The following ZNF44 variants were observed in gnomAD, a reference collection of about 807,000 sequenced individuals.
ZNF44 encodes zinc finger protein 44.
In ZNF44, 9 loss-of-function variants were observed where a neutral mutation model predicts 11.7. The observed-to-expected ratio is 0.77, with a 90% confidence interval of 0.46 to 1.35. The LOEUF is 1.35. Among genes scored for constraint, ZNF44 ranks in the 40% most tolerant of loss-of-function variants. ZNF44 has a pLI of 0.00. For missense variants in ZNF44, 696 were observed against 743.1 expected, an observed-to-expected ratio of 0.94 and a Z score of 0.74; for synonymous variants, 224 against 242.7, an observed-to-expected ratio of 0.92 and a Z score of 0.72.
downstream of ZNF44, among the ~76,000 whole-genome samples, chr19:12,271,205 C>T (rs1471285646): frequency 6.6e-6 from 1 of 152,082 alleles, no homozygotes; most frequent in East Asian, 1.9e-4. Flanking sequence ...CAGCTAACAT[C>T]CTTTGATTGA....
intron 1 of ZNF44, chr19:12,284,811 TG>T: frequency 5.9e-6 from 7 of 1,194,892 alleles, no homozygotes; most frequent in Non-Finnish European, 8.3e-6. Context: ...CAGAGGCTAC[TG>T]GGGGAACAAG....
chr19:12,235,780 T>G (rs1916365029), intron 1 of ZNF44, among the ~76,000 whole-genome samples: 1 of 152,068 alleles, frequency 6.6e-6, no homozygotes, highest in Non-Finnish European at 1.5e-5. Flanking sequence ...GAGGCTGATA[T>G]TCACTAGATC....
At chr19:12,263,886 C>T (rs996495786) in intron 5 of ZNF44, among the ~76,000 whole-genome samples, 1 of 149,000 alleles carries the variant, frequency 6.7e-6, no homozygotes, top group Admixed American at 6.7e-5. Flanking sequence ...GATGGCACCA[C>T]TGCACTCCAG....
chr19:12,247,843 C>G, exon 8 of ZNF44: 1 of 1,302,362 alleles, frequency 7.7e-7, no homozygotes, highest in Non-Finnish European at 1.0e-6. Context: ...TAAGTTTTCC[C>G]ACACAGTTTA....
intron 3 of ZNF44, among the ~76,000 whole-genome samples, chr19:12,226,854 G>A (rs1915939266): frequency 6.6e-6 from 1 of 152,188 alleles, no homozygotes; most frequent in Non-Finnish European, 1.5e-5. Flanking sequence ...ATTACCTGAG[G>A]TCAGGAGTTA....
chr19:12,284,350 C>G (rs1367301619), intron 1 of ZNF44: 7 of 542,348 alleles, frequency 1.3e-5, no homozygotes, highest in Non-Finnish European at 2.0e-5. Flanking sequence ...GCTGATGACG[C>G]AGGTGCAGCG....
chr19:12,284,825 C>T, intron 1 of ZNF44: 4 of 1,181,464 alleles, frequency 3.4e-6, no homozygotes, highest in Admixed American at 2.0e-5. Flanking sequence ...GGAACAAGAT[C>T]GGCAAGCCCC....
intron 1 of ZNF44, among the ~76,000 whole-genome samples, chr19:12,293,079 A>G (rs754241489): frequency 6.6e-6 from 1 of 152,072 alleles, no homozygotes; most frequent in Admixed American, 6.5e-5. Flanking sequence ...CATGTTGGCC[A>G]GGGTGGTCTT....
At chr19:12,268,397 T>C (rs1917821465), downstream of ZNF44, among the ~76,000 whole-genome samples, 3 of 152,144 alleles carry the variant, frequency 2.0e-5, no homozygotes, top group South Asian at 4.1e-4. Flanking sequence ...CAACAGACCA[T>C]AAATGAAGAT....
chr19:12,293,480 T>C, intron 1 of ZNF44: 1 of 1,112,830 alleles, frequency 9.0e-7, no homozygotes, highest in South Asian at 2.0e-5. Flanking sequence ...GGTTTGGTTT[T>C]TTTTACAGCA....
intron 1 of ZNF44, among the ~76,000 whole-genome samples, chr19:12,282,421 C>CTTTT (rs59865823): frequency 0.18 from 22,336 of 125,878 alleles, 2,833 homozygotes; most frequent in African/African-American, 0.35. Context: ...GAGAAGTCTT[C>CTTTT]TTTTTTTTTT....
chr19:12,270,109 C>T (rs938829490), downstream of ZNF44, among the ~76,000 whole-genome samples: 5 of 152,062 alleles, frequency 3.3e-5, no homozygotes, highest in South Asian at 2.1e-4. Flanking sequence ...TTGCTTCTTC[C>T]ATCCCATTCT....
downstream of ZNF44, among the ~76,000 whole-genome samples, chr19:12,245,617 C>T (rs1916748188): frequency 1.3e-5 from 2 of 152,110 alleles, no homozygotes; most frequent in African/African-American, 2.4e-5. Flanking sequence ...CAGTTATTAC[C>T]AGTATTAACA....
chr19:12,274,184 T>A lies in ZNF44; in HGVS notation c.192-121A>T, dbSNP rs140233968. On this transcript the variant is annotated intron_variant, in intron 3 of 3. Coordinates refer to ENST00000355684, the MANE Select transcript of ZNF44 (RefSeq NM_016264.4). ...CTATAAGCTTCATGTCCTGCTTCAATGTGAATGGACTGAATGTTGTGCAAG... is the reference window on the plus strand; with the variant it reads ...CTATAAGCTTCATGTCCTGCTTCAAAGTGAATGGACTGAATGTTGTGCAAG... 1.9e-3 allele frequency: 1,541 copies of A among 802,438 alleles called. 16 individuals carry two copies. In the African/African-American group the frequency reaches 0.023, roughly 12 times the overall value. The allele number at this position is 802,438 out of a possible 1,614,324, so 49.7% of individuals were successfully genotyped here.
exon 8 of ZNF44, chr19:12,248,490 C>G (rs1317732855): frequency 4.6e-6 from 6 of 1,290,756 alleles, no homozygotes; most frequent in Non-Finnish European, 6.1e-6. Context: ...CAGTTTGTGT[C>G]TGGTGTAAGA....
intron 5 of ZNF44, among the ~76,000 whole-genome samples, chr19:12,256,194 A>G (rs1917251063): frequency 6.6e-6 from 1 of 152,182 alleles, no homozygotes; most frequent in Non-Finnish European, 1.5e-5. Context: ...GGATTTAATT[A>G]AAATTTGCGC....
At chr19:12,290,473 C>A (rs1967960989) in intron 1 of ZNF44, among the ~76,000 whole-genome samples, 1 of 149,326 alleles carries the variant, frequency 6.7e-6, no homozygotes, top group Non-Finnish European at 1.5e-5. Flanking sequence ...GAGGCCAAGG[C>A]CGGTGGATCA....
chr19:12,272,018 A>T lies in ZNF44; in HGVS notation c.*389T>A. 2 of 152,210 alleles carry T rather than the reference A, an allele frequency of 1.3e-5. No homozygotes were observed. The highest frequency in any genetic ancestry group is 2.5e-5 in the African/African-American group (1 of 40,318). The allele number at this position is 152,210 out of a possible 1,614,324, so 9.4% of individuals were successfully genotyped here. A position where few individuals can be genotyped will look rare whatever the true frequency, so the allele number is the denominator to read the frequency against. On this transcript the variant is annotated 3_prime_UTR_variant, in exon 4 of 4. Transcript: ENST00000355684. The stretch of plus-strand genomic sequence containing the variant: ...GGAAACTTTTTTTTTTTTTTTTGAG[A>T]TGGAGTCTCGCTCTAGCACCCAAGC...
chr19:12,293,450 G>T, intron 1 of ZNF44: 1 of 1,374,420 alleles, frequency 7.3e-7, no homozygotes, highest in South Asian at 1.6e-5. Flanking sequence ...TGTGCCTAGG[G>T]GAGATAAAAG....
Sources: gnomAD v4.1 joint callset for allele counts (sites outside exome capture counted in the v4.1 genomes callset) on GRCh38, gnomAD v4.1.1 for gene constraint, MANE v1.5 for transcripts, NCBI Gene and HGNC (gene_info 2026-07-23, HGNC 2026-07-21) for gene names.